The following CADPS2 variants were observed in gnomAD, a reference collection of about 807,000 sequenced individuals.
CADPS2 encodes calcium-dependent secretion activator 2.
A neutral mutation model predicts 172.5 loss-of-function variants in CADPS2; 93 were observed. That is an observed-to-expected ratio of 0.54 (90% CI 0.46 to 0.64). The LOEUF is 0.64. Among genes scored for constraint, CADPS2 ranks in the 30% least tolerant of loss-of-function variants. The pLI, the probability that CADPS2 is intolerant of heterozygous loss-of-function variation, is 0.00. For synonymous variants in CADPS2, 546 were observed against 555.2 expected (o/e 0.98, Z 0.23); for missense variants, 1,420 against 1,565.9 (o/e 0.91, Z 1.57).
chr7:122,661,675 T>C (rs1173782187), intron 3 of CADPS2, among the ~76,000 whole-genome samples: 1 of 152,222 alleles, frequency 6.6e-6, no homozygotes, highest in Non-Finnish European at 1.5e-5. Context: ...TGACTTTTCT[T>C]GGACTTATCA....
chr7:122,729,987 ATG>A (rs1460012008), intron 2 of CADPS2, among the ~76,000 whole-genome samples: 1 of 151,650 alleles, frequency 6.6e-6, no homozygotes, highest in South Asian at 2.1e-4. Context: ...TGAAATGTGA[ATG>A]TGTCTTTCAT....
intron 2 of CADPS2, among the ~76,000 whole-genome samples, chr7:122,691,260 C>T (rs1054275975): frequency 4.6e-5 from 7 of 152,206 alleles, no homozygotes; most frequent in African/African-American, 1.7e-4. Flanking sequence ...TAACTGCTTT[C>T]CCAGTCCAGG....
chr7:122,326,645 A>C (rs2033933641), intron 28 of CADPS2, among the ~76,000 whole-genome samples: 1 of 152,082 alleles, frequency 6.6e-6, no homozygotes, highest in South Asian at 2.1e-4. Context: ...ATGTGTGTGC[A>C]TACGTTCTAA....
chr7:122,672,549 A>T (rs2081968127), intron 2 of CADPS2, among the ~76,000 whole-genome samples: 1 of 152,062 alleles, frequency 6.6e-6, no homozygotes, highest in African/African-American at 2.4e-5. Context: ...TAAGTGGTTT[A>T]AGCAGAGGAG....
At chr7:122,459,410 G>A (rs56060136) in intron 14 of CADPS2, among the ~76,000 whole-genome samples, 39,842 of 151,846 alleles carry the variant, frequency 0.26, 5,625 homozygotes, top group East Asian at 0.38. Flanking sequence ...TTAAATGCAC[G>A]ATATTTTCAA....
At chr7:122,610,205 A>G (rs944954545) in intron 6 of CADPS2, among the ~76,000 whole-genome samples, 1 of 152,068 alleles carries the variant, frequency 6.6e-6, no homozygotes, top group Non-Finnish European at 1.5e-5. Context: ...TCAGGTTTCA[A>G]AGTATTTTAG....
chr7:122,437,987 T>C (rs2050861629), intron 17 of CADPS2, among the ~76,000 whole-genome samples: 1 of 152,118 alleles, frequency 6.6e-6, no homozygotes, highest in Non-Finnish European at 1.5e-5. Context: ...TACTACACTG[T>C]TACTGATCAG....
chr7:122,719,762 T>C (rs2090141174), intron 2 of CADPS2, among the ~76,000 whole-genome samples: 1 of 151,948 alleles, frequency 6.6e-6, no homozygotes, highest in South Asian at 2.1e-4. Context: ...ATCTCAGCAG[T>C]ATATAAAGAA....
At chr7:122,713,354 T>G (rs2089071322) in intron 2 of CADPS2, among the ~76,000 whole-genome samples, 1 of 152,112 alleles carries the variant, frequency 6.6e-6, no homozygotes, top group Non-Finnish European at 1.5e-5. Flanking sequence ...TCTAAACTCA[T>G]GTGCCTTAGT....
At chr7:122,817,097 C>T (rs748026939) in intron 1 of CADPS2, among the ~76,000 whole-genome samples, 15 of 152,098 alleles carry the variant, frequency 9.9e-5, no homozygotes, top group Non-Finnish European at 1.9e-4. Context: ...AGACTCAGCC[C>T]GCCTGCACCC....
intron 8 of CADPS2, among the ~76,000 whole-genome samples, chr7:122,527,617 A>AGTGTGTGTGTGT (rs59653845): frequency 5.2e-4 from 44 of 83,874 alleles, no homozygotes; most frequent in Non-Finnish European, 8.3e-4. Context: ...AGAGAGAGAG[A>AGTGTGTGTGTGT]GTGTGTGTGT....
At chr7:122,797,095 G>GA (rs1029939376) in intron 1 of CADPS2, among the ~76,000 whole-genome samples, 11 of 150,452 alleles carry the variant, frequency 7.3e-5, no homozygotes, top group African/African-American at 9.8e-5. Context: ...ACAATCATAT[G>GA]AAAAAAAAAG....
At chr7:122,608,842 CA>C (rs1472643137) in intron 6 of CADPS2, among the ~76,000 whole-genome samples, 1 of 151,954 alleles carries the variant, frequency 6.6e-6, no homozygotes, top group Non-Finnish European at 1.5e-5. Flanking sequence ...ATTATCAGTG[CA>C]CTTATATTTT....
intron 2 of CADPS2, chr7:122,681,760 AAAC>A (rs952990600): frequency 2.4e-4 from 130 of 536,848 alleles, no homozygotes; most frequent in Middle Eastern, 9.7e-4. Context: ...GAAAGAAAAA[AAAC>A]AACATCTAAA....
chr7:122,538,140 A>AAGT (rs55883532), intron 8 of CADPS2, among the ~76,000 whole-genome samples: 83,067 of 150,012 alleles, frequency 0.55, 22,961 homozygotes, highest in African/African-American at 0.6. Context: ...ACTTATACAA[A>AAGT]TTCAGTAAAA....
intron 25 of CADPS2, among the ~76,000 whole-genome samples, chr7:122,364,419 A>G (rs1290857988): frequency 6.7e-6 from 1 of 148,692 alleles, no homozygotes; most frequent in East Asian, 1.9e-4. Flanking sequence ...AAGTTAAAAA[A>G]AAAAAAAAAA....
chr7:122,694,148 G>A (rs550467886), intron 2 of CADPS2, among the ~76,000 whole-genome samples: 2 of 152,294 alleles, frequency 1.3e-5, no homozygotes, highest in South Asian at 2.1e-4. Context: ...AGGAGGCAAG[G>A]AATTTGGTGG....
chr7:122,544,569 C>G (rs2063432913), intron 8 of CADPS2, among the ~76,000 whole-genome samples: 1 of 152,164 alleles, frequency 6.6e-6, no homozygotes, highest in South Asian at 2.1e-4. Flanking sequence ...TTCATTTCAT[C>G]TGGACTCATT....
At chr7:122,785,169 TC>T (rs1427773370) in intron 1 of CADPS2, among the ~76,000 whole-genome samples, 1 of 152,202 alleles carries the variant, frequency 6.6e-6, no homozygotes, top group East Asian at 1.9e-4. Context: ...TACAGTTGAA[TC>T]TCCCTAGGTA....
Sources: gnomAD v4.1 joint callset for allele counts (sites outside exome capture counted in the v4.1 genomes callset) on GRCh38, gnomAD v4.1.1 for gene constraint, MANE v1.5 for transcripts, NCBI Gene and HGNC (gene_info 2026-07-23, HGNC 2026-07-21) for gene names.